Variants in BZW2 observed in about 807,000 individuals in gnomAD.
BZW2 encodes eIF5-mimic protein 1.
A neutral mutation model predicts 53.2 loss-of-function variants in BZW2; 23 were observed. That is an observed-to-expected ratio of 0.43 (90% CI 0.31 to 0.61). BZW2 has a LOEUF of 0.61. Among genes scored for constraint, BZW2 ranks in the 20% least tolerant of loss-of-function variants. The probability of loss-of-function intolerance (pLI) is 0.09; values close to 1 mark genes in which losing one functional copy is unlikely to be tolerated. For missense variants in BZW2, 409 were observed against 503.1 expected (o/e 0.81, Z 1.79); for synonymous variants, 227 against 186.4 (o/e 1.22, Z -1.77).
intron 10 of BZW2, chr7:16,700,695 A>G (rs1181325015): frequency 6.6e-6 from 1 of 152,026 alleles, no homozygotes; most frequent in Non-Finnish European, 1.5e-5. Flanking sequence ...GATGCTATGA[A>G]CTCCAGTGAC....
intron 3 of BZW2, among the ~76,000 whole-genome samples, chr7:16,678,202 G>A (rs148228546): frequency 1.1e-4 from 16 of 149,944 alleles, no homozygotes; most frequent in East Asian, 4.0e-4. Context: ...GATTACAGGC[G>A]TGTGCCGGCA....
chr7:16,652,772 G>T (rs187042137), intron 1 of BZW2, among the ~76,000 whole-genome samples: 2 of 152,166 alleles, frequency 1.3e-5, no homozygotes, highest in Non-Finnish European at 2.9e-5. Context: ...TGATTCGCCC[G>T]CCTTGGCTTC....
At chr7:16,664,921 T>C (rs1782376063) in intron 1 of BZW2, among the ~76,000 whole-genome samples, 1 of 152,198 alleles carries the variant, frequency 6.6e-6, no homozygotes, top group African/African-American at 2.4e-5. Flanking sequence ...TCAAAGTTGG[T>C]GTCTGTGGTT....
At chr7:16,666,986 G>T (rs1782447885) in intron 2 of BZW2, among the ~76,000 whole-genome samples, 1 of 150,194 alleles carries the variant, frequency 6.7e-6, no homozygotes, top group Admixed American at 6.6e-5. Flanking sequence ...TTGGATGTAA[G>T]AATAGCTGAA....
intron 2 of BZW2, among the ~76,000 whole-genome samples, chr7:16,671,769 G>T (rs552418229): frequency 4.6e-5 from 7 of 151,924 alleles, no homozygotes; most frequent in Admixed American, 2.0e-4. Context: ...TGTCTGTACT[G>T]AAAATACAAA....
chr7:16,673,150 G>C lies in BZW2; in HGVS notation c.59-1262G>C, dbSNP rs971953664. Among the ~76,000 whole-genome samples, 7 of 152,108 alleles carry C rather than the reference G, an allele frequency of 4.6e-5. No homozygotes were observed. In the East Asian group the frequency reaches 1.4e-3, roughly 30 times the overall value. ...TTTAGTAGAGACGGGGTTTCACCACGTTAGCCAGGATGGTCTCAATCTTCT... is the reference window on the plus strand; with the variant it reads ...TTTAGTAGAGACGGGGTTTCACCACCTTAGCCAGGATGGTCTCAATCTTCT... On this transcript the variant is annotated intron_variant, in intron 2 of 11. Coordinates refer to ENST00000258761, the MANE Select transcript of BZW2 (RefSeq NM_014038.3).
chr7:16,672,355 G>T (rs1232938348), intron 2 of BZW2, among the ~76,000 whole-genome samples: 3 of 151,876 alleles, frequency 2.0e-5, no homozygotes, highest in African/African-American at 7.3e-5. Flanking sequence ...CTAGGTCTTT[G>T]ACCTTTTTTC....
chr7:16,656,550 C>T (rs550460579), intron 1 of BZW2, among the ~76,000 whole-genome samples: 12 of 116,588 alleles, frequency 1.0e-4, no homozygotes, highest in East Asian at 6.5e-4. Context: ...CCCCAGCGCG[C>T]GCGCGCACAC....
intron 1 of BZW2, among the ~76,000 whole-genome samples, chr7:16,657,195 G>A (rs1013473537): frequency 1.3e-5 from 2 of 152,284 alleles, no homozygotes; most frequent in Middle Eastern, 6.8e-3. Context: ...TTATAGAAAG[G>A]ATATGCATTT....
chr7:16,673,192 C>T (rs1052828904), intron 2 of BZW2, among the ~76,000 whole-genome samples: 3 of 152,204 alleles, frequency 2.0e-5, no homozygotes, highest in East Asian at 1.9e-4. Flanking sequence ...GTGATCCGCC[C>T]GCCTCGGCCT....
At chr7:16,704,431 G>A (rs978329063) in intron 10 of BZW2, 116 bp from the exon 11 acceptor site, 17 of 1,122,352 alleles carry the variant, frequency 1.5e-5, no homozygotes, top group Admixed American at 1.2e-4. Flanking sequence ...CTTCTGATAA[G>A]TAACAGAATG....
rs1381712566 is a variant in BZW2, at chr7:16,698,176, C to T, written c.1098C>T (p.Leu366=). Residue 366 remains leucine, a synonymous_variant, in exon 10 of 12, where the codon CTC becomes CTT. Transcript: ENST00000258761. ...AAGCCTTTCAGAAGATTGTGGTTCT[C>T]TTTTATAAAGGTATCCATCCACGTG... ...FMKAFQKIVV[L]FYKADVLSEE... is the part of the protein sequence containing the mutation. 6.2e-7 allele frequency: 1 copy of T among 1,614,144 alleles called. No individual in the cohort carries two copies. Among genetic ancestry groups the T allele is most frequent in the Admixed American group, 1.7e-5 (1 of 60,020 alleles).
rs919490430 is a variant in BZW2, at chr7:16,706,191, A to G, written c.*103A>G. The G allele has an allele frequency of 3.1e-6, 4 of 1,271,696 alleles. No homozygotes were observed. The highest frequency in any genetic ancestry group is 3.0e-5 in the African/African-American group (2 of 65,648). 78.8% of individuals were successfully genotyped at this position (1,271,696 alleles called of 1,614,324 possible). A position where few individuals can be genotyped will look rare whatever the true frequency, so the allele number is the denominator to read the frequency against. ...ACTTGGCTTCTGTTTTCGCAAAGGA[A>G]AAAAAAAATAGGATAGGCTTCCCTT... On this transcript the variant is annotated 3_prime_UTR_variant, in exon 12 of 12. Transcript: ENST00000258761.
At chr7:16,689,015 C>G (rs1449368301) in intron 6 of BZW2, among the ~76,000 whole-genome samples, 1 of 152,178 alleles carries the variant, frequency 6.6e-6, no homozygotes, top group African/African-American at 2.4e-5. Context: ...CACCTGAGGT[C>G]AAGCGTTCAG....
In BZW2 at chr7:16,691,878, CTGTGTG is replaced by C. The variant is rs10611881; in HGVS notation, c.651+1992_651+1997del. Among the ~76,000 whole-genome samples the C allele has an allele frequency of 2.1e-4, 32 of 149,682 alleles. 1 individual carries two copies. The highest frequency in any genetic ancestry group is 8.5e-4 in the South Asian group (4 of 4,710). On this transcript the variant is annotated intron_variant, in intron 7 of 11. Transcript: ENST00000258761. ...GTCATTTAGCTGTTTTTACTAGGTT[CTGTGTG>C]TGTGTGTGTGTGTGTGTGTACATAT...
At chr7:16,654,724 A>C (rs1782077950) in intron 1 of BZW2, among the ~76,000 whole-genome samples, 1 of 148,268 alleles carries the variant, frequency 6.7e-6, no homozygotes. Flanking sequence ...TTTTTAGTGG[A>C]TACACGGTTT....
intron 1 of BZW2, among the ~76,000 whole-genome samples, chr7:16,664,884 A>G (rs1167276947): frequency 6.6e-6 from 1 of 152,146 alleles, no homozygotes; most frequent in Non-Finnish European, 1.5e-5. Context: ...TTTTCCTCAA[A>G]GTATTTCATG....
intron 4 of BZW2, among the ~76,000 whole-genome samples, chr7:16,682,465 T>A (rs1782979286): frequency 6.6e-6 from 1 of 152,220 alleles, no homozygotes; most frequent in Admixed American, 6.5e-5. Flanking sequence ...TTTAACACCT[T>A]CATTTCCGTG....
intron 5 of BZW2, among the ~76,000 whole-genome samples, chr7:16,685,562 A>T (rs1369040012): frequency 1.3e-5 from 2 of 152,194 alleles, no homozygotes; most frequent in African/African-American, 4.8e-5. Context: ...TTCAGAAAAC[A>T]TGTCCATCAT....
Sources: allele counts gnomAD v4.1 joint callset (sites outside exome capture counted in the v4.1 genomes callset), GRCh38; gene constraint gnomAD v4.1.1; transcripts MANE v1.5; gene names NCBI Gene and HGNC (gene_info 2026-07-23, HGNC 2026-07-21).